Variants in TAS2R60 observed in about 807,000 individuals in gnomAD.
TAS2R60 encodes the protein taste receptor type 2 member 60.
In TAS2R60, 16 loss-of-function variants were observed where a neutral mutation model predicts 19.5. The ratio of observed to expected loss-of-function variants is 0.82; its 90% CI spans 0.55 to 1.24. The LOEUF is 1.24. Among genes scored for constraint, TAS2R60 ranks in the 50% most tolerant of loss-of-function variants. TAS2R60 has a pLI of 0.00. For synonymous variants in TAS2R60, 141 were observed against 143.3 expected, an observed-to-expected ratio of 0.98 and a Z score of 0.11; for missense variants, 362 against 382.7, an observed-to-expected ratio of 0.95 and a Z score of 0.45.
In TAS2R60 at chr7:143,443,755, C is replaced by G; in HGVS notation, c.303C>G (p.Asp101Glu). 1 of 1,614,010 alleles carries G rather than the reference C, an allele frequency of 6.2e-7. No individual in the cohort carries two copies. Among genetic ancestry groups the G allele is most frequent in the African/African-American group, 1.3e-5 (1 of 75,018 alleles). ...PVLQFLAFQWDFLNAATLWSS... is the reference protein window; with the variant it reads ...PVLQFLAFQWEFLNAATLWSS... ...TGCAGTTTCTAGCTTTCCAGTGGGA[C>G]TTCCTGAATGCTGCCACCTTATGGT... is the stretch of plus-strand genomic sequence containing the variant. The change falls in exon 1 of 1, where the codon GAC (aspartate) becomes GAG (glutamate). Residue 101 changes from aspartate to glutamate, a missense_variant. By Grantham distance (45) the Asp-to-Glu change is conservative (BLOSUM62 2). Transcript: ENST00000332690.
rs749371826 is a variant in TAS2R60 at position 143,443,553 on chromosome 7, G to C, written c.101G>C (p.Gly34Ala). ...CTTTTACGCCTGGTAGCAATAGCAG[G>C]CAATGGCTTCATCACTGCTGCTCTG... Reference protein sequence around the residue: ...LLLLRLVAIAGNGFITAALGV... With the variant: ...LLLLRLVAIAANGFITAALGV... The change falls in exon 1 of 1, where the codon GGC (glycine) becomes GCC (alanine). Residue 34 changes from glycine (G) to alanine (A), a missense_variant. Gly to Ala is a moderately conservative substitution (Grantham distance 60, BLOSUM62 0). Transcript: ENST00000332690. The C allele has an allele frequency of 7.4e-6, 12 of 1,614,174 alleles. No homozygotes were observed. The South Asian group carries it at 1.2e-4, about 16-fold the overall frequency.
Position 143,443,802 on chromosome 7 carries a change from T to C in TAS2R60, c.350T>C (p.Phe117Ser). ...TLWSSTWLSV[F>S]YCVKIATFTH... Reference sequence around the variant, plus strand: ...TGGTCCTCTACCTGGCTCAGTGTCTTCTATTGTGTGAAAATTGCTACCTTC... The same window carrying C: ...TGGTCCTCTACCTGGCTCAGTGTCTCCTATTGTGTGAAAATTGCTACCTTC... The change falls in exon 1 of 1, where the codon TTC (phenylalanine) becomes TCC (serine). Residue 117 changes from phenylalanine to serine, a missense_variant. Coordinates refer to ENST00000332690, the MANE Select transcript of TAS2R60 (RefSeq NM_177437.1). 1 of 1,613,494 alleles carries C rather than the reference T, an allele frequency of 6.2e-7. No individual in the cohort carries two copies. The highest frequency in any genetic ancestry group is 8.5e-7 in the Non-Finnish European group (1 of 1,180,008).
In TAS2R60 at chr7:143,444,055, T is replaced by G. The variant is rs1340580218; in HGVS notation, c.603T>G (p.Thr201=). 6.2e-7 allele frequency: 1 copy of G among 1,614,116 alleles called. No homozygotes were observed. The highest frequency in any genetic ancestry group is 8.5e-7 in the Non-Finnish European group (1 of 1,180,050). ...ATCTCTTCCCTCTAAAAATGATTAC[T>G]TGGACAATGCCCACTGCTGTCTTTT... The part of the protein sequence containing the change: ...KFYLFPLKMI[T]WTMPTAVFFI... Residue 201 remains threonine, a synonymous_variant, in exon 1 of 1, where the codon ACT becomes ACG. Transcript: ENST00000332690.
At chr7:143,444,147 C>G in the TAS2R60 span, 1 of 1,614,242 alleles carries the variant, frequency 6.2e-7, no homozygotes, top group Non-Finnish European at 8.5e-7. Context: ...CTTACAACCT[C>G]AGGATTCCGA....
chr7:143,443,737 T>C lies in TAS2R60; in HGVS notation c.285T>C (p.Phe95=). ...MAFPYNPVLQ[F]LAFQWDFLNA... ...TCCCATACAACCCTGTACTGCAGTT[T>C]CTAGCTTTCCAGTGGGACTTCCTGA... The change falls in exon 1 of 1, where the codon TTT becomes TTC. Residue 95 remains phenylalanine, a synonymous_variant. Coordinates refer to ENST00000332690, the MANE Select transcript of TAS2R60 (RefSeq NM_177437.1). 6.2e-7 allele frequency: 1 copy of C among 1,614,142 alleles called. No individual in the cohort carries two copies. The highest frequency in any genetic ancestry group is 8.5e-7 in the Non-Finnish European group (1 of 1,180,026).
chr7:143,444,019 T>C lies in TAS2R60; in HGVS notation c.567T>C (p.Cys189=). ...CTGGCGATAGCATACGGAGCTACTGTGAGAAATTCTATCTCTTCCCTCTAA... is the reference window on the plus strand; with the variant it reads ...CTGGCGATAGCATACGGAGCTACTGCGAGAAATTCTATCTCTTCCCTCTAA... ...NVTGDSIRSY[C]EKFYLFPLKM... Residue 189 remains cysteine, a synonymous_variant, in exon 1 of 1, where the codon TGT becomes TGC. Coordinates refer to ENST00000332690, the MANE Select transcript of TAS2R60 (RefSeq NM_177437.1). 1 of 1,614,046 alleles carries C rather than the reference T, an allele frequency of 6.2e-7. No individual in the cohort carries two copies. The highest frequency in any genetic ancestry group is 8.5e-7 in the Non-Finnish European group (1 of 1,179,844).
rs140806474 is a variant in TAS2R60, at chr7:143,443,581, C to T, written c.129C>T (p.Gly43=). 1.5e-5 allele frequency: 25 copies of T among 1,614,038 alleles called. No individual in the cohort carries two copies. Among genetic ancestry groups the T allele is most frequent in the Middle Eastern group, 1.6e-4 (1 of 6,082 alleles). ...ATGGCTTCATCACTGCTGCTCTGGG[C>T]GTGGAGTGGGTGCTACGGAGAATGT... ...AGNGFITAAL[G]VEWVLRRMLL... Residue 43 remains glycine, a synonymous_variant, in exon 1 of 1, where the codon GGC becomes GGT. Coordinates refer to ENST00000332690, the MANE Select transcript of TAS2R60 (RefSeq NM_177437.1).
Position 143,443,926 on chromosome 7 carries a change from A to G in TAS2R60, c.474A>G (p.Leu158=), listed in dbSNP as rs780562531. The change falls in exon 1 of 1, where the codon CTA becomes CTG. Residue 158 remains leucine, a synonymous_variant. Coordinates refer to ENST00000332690, the MANE Select transcript of TAS2R60 (RefSeq NM_177437.1). The stretch of plus-strand genomic sequence containing the variant: ...GGCTCTCCAGCTTCACCACCATTCT[A>G]TTTTTCATAGGCAACCACAGAATGT... ...SVGLSSFTTI[L]FFIGNHRMYQ... is the part of the protein sequence containing the mutation. 9.9e-6 allele frequency: 16 copies of G among 1,613,838 alleles called. No homozygotes were observed. Among genetic ancestry groups the G allele is most frequent in the African/African-American group, 2.7e-5 (2 of 74,944 alleles).
At position 143,443,956 on chromosome 7, in the gene TAS2R60, G is replaced by T. The variant is rs1036406988; in HGVS notation, c.504G>T (p.Gln168His). The change falls in exon 1 of 1, where the codon CAG (glutamine) becomes CAT (histidine). Residue 168 changes from glutamine to histidine, a missense_variant. Gln to His is a conservative substitution (Grantham distance 24). Coordinates refer to ENST00000332690, the MANE Select transcript of TAS2R60 (RefSeq NM_177437.1). ...TCATAGGCAACCACAGAATGTATCA[G>T]AACTATTTAAGGAACCATCTACAAC... is the stretch of plus-strand genomic sequence containing the variant. Reference protein sequence around the residue: ...LFFIGNHRMYQNYLRNHLQPW... With the variant: ...LFFIGNHRMYHNYLRNHLQPW... The T allele has an allele frequency of 1.2e-6, 2 of 1,614,100 alleles. No individual in the cohort carries two copies. Among genetic ancestry groups the T allele is most frequent in the Non-Finnish European group, 1.7e-6 (2 of 1,180,040 alleles).
chr7:143,443,486 G>C lies in TAS2R60; in HGVS notation c.34G>C (p.Val12Leu). The C allele has an allele frequency of 6.2e-7, 1 of 1,613,192 alleles. No individual in the cohort carries two copies. Among genetic ancestry groups the C allele is most frequent in the Non-Finnish European group, 8.5e-7 (1 of 1,179,534 alleles). Residue 12 changes from valine to leucine, a missense_variant, in exon 1 of 1, where the codon GTG (valine) becomes CTG (leucine). By Grantham distance (32) the Val-to-Leu change is conservative. Coordinates refer to ENST00000332690, the MANE Select transcript of TAS2R60 (RefSeq NM_177437.1). ...AGACCACATGGTTCTAGGATCTTCG[G>C]TGACTGACAAGAAGGCCATCATCTT... ...NGDHMVLGSS[V>L]TDKKAIILVT... is the part of the protein sequence containing the mutation.
At position 143,443,908 on chromosome 7, in the gene TAS2R60, C is replaced by T. The variant is rs751825125; in HGVS notation, c.456C>T (p.Ser152=). 24 of 1,614,022 alleles carry T rather than the reference C, an allele frequency of 1.5e-5. No homozygotes were observed. The highest frequency in any genetic ancestry group is 2.0e-5 in the Non-Finnish European group (24 of 1,180,024). The change falls in exon 1 of 1, where the codon TCC becomes TCT. Residue 152 remains serine (S), a synonymous_variant. Coordinates refer to ENST00000332690, the MANE Select transcript of TAS2R60 (RefSeq NM_177437.1). ...PWMLFSSVGL[S]SFTTILFFIG... ...TGCTCTTCAGCTCTGTAGGGCTCTCCAGCTTCACCACCATTCTATTTTTCA... is the reference window on the plus strand; with the variant it reads ...TGCTCTTCAGCTCTGTAGGGCTCTCTAGCTTCACCACCATTCTATTTTTCA...
At position 143,443,981 on chromosome 7, in the gene TAS2R60, C is replaced by T; in HGVS notation, c.529C>T (p.Pro177Ser). 1.9e-6 allele frequency: 3 copies of T among 1,614,188 alleles called. No individual in the cohort carries two copies. The highest frequency in any genetic ancestry group is 2.5e-6 in the Non-Finnish European group (3 of 1,180,032). ...YQNYLRNHLQ[P>S]WNVTGDSIRS... ...GAACTATTTAAGGAACCATCTACAA[C>T]CTTGGAATGTCACTGGCGATAGCAT... is the stretch of plus-strand genomic sequence containing the variant. Residue 177 changes from proline (P) to serine (S), a missense_variant, in exon 1 of 1, where the codon CCT becomes TCT. Pro to Ser is a moderately conservative substitution (Grantham distance 74). Coordinates refer to ENST00000332690, the MANE Select transcript of TAS2R60 (RefSeq NM_177437.1).
chr7:143,444,259 T>C lies in TAS2R60; in HGVS notation c.807T>C (p.Gly269=). ...TGTCACTGGTGTTCAGTGCTGCAGG[T>C]ATTTTTCCACCTCTGGACTTTAAAT... ...YFLSLVFSAA[G]IFPPLDFKFW... Residue 269 remains glycine (G), a synonymous_variant, in exon 1 of 1, where the codon GGT becomes GGC. Transcript: ENST00000332690. The C allele has an allele frequency of 6.2e-7, 1 of 1,614,184 alleles. No individual in the cohort carries two copies. Among genetic ancestry groups the C allele is most frequent in the Non-Finnish European group, 8.5e-7 (1 of 1,180,036 alleles).
In TAS2R60 at chr7:143,444,292, G is replaced by A; in HGVS notation, c.840G>A (p.Val280=). The change falls in exon 1 of 1, where the codon GTG becomes GTA. Residue 280 remains valine (V), a synonymous_variant. Coordinates refer to ENST00000332690, the MANE Select transcript of TAS2R60 (RefSeq NM_177437.1). Reference sequence around the variant, plus strand: ...CACCTCTGGACTTTAAATTCTGGGTGTGGGAGTCAGTGATTTATCTGTGTG... The same window carrying A: ...CACCTCTGGACTTTAAATTCTGGGTATGGGAGTCAGTGATTTATCTGTGTG... The part of the protein sequence containing the change: ...IFPPLDFKFW[V]WESVIYLCAA... The A allele has an allele frequency of 6.2e-7, 1 of 1,614,066 alleles. No homozygotes were observed. Among genetic ancestry groups the A allele is most frequent in the Non-Finnish European group, 8.5e-7 (1 of 1,180,032 alleles).
rs547166075 is a variant in TAS2R60, at chr7:143,443,855, C to T, written c.403C>T (p.His135Tyr). Reference protein sequence around the residue: ...FTHPVFFWLKHKLSGWLPWML... With the variant: ...FTHPVFFWLKYKLSGWLPWML... The stretch of plus-strand genomic sequence containing the variant: ...CCACCCTGTCTTCTTCTGGCTAAAG[C>T]ACAAGTTGTCTGGGTGGCTACCATG... Residue 135 changes from histidine to tyrosine, a missense_variant, in exon 1 of 1, where the codon CAC (histidine) becomes TAC (tyrosine). Transcript: ENST00000332690. 8.6e-5 allele frequency: 138 copies of T among 1,613,726 alleles called. 2 individuals carry two copies. The East Asian group carries it at 3.0e-3, about 35-fold the overall frequency.
chr7:143,443,669 GTAATGGGT>G, the TAS2R60 span: 1 of 1,614,138 alleles, frequency 6.2e-7, no homozygotes, highest in Non-Finnish European at 8.5e-7. Flanking sequence ...GCAGTCAGTG[GTAATGGGT>G]AAGACCATTT....
In TAS2R60 at chr7:143,443,618, G is replaced by T; in HGVS notation, c.166G>T (p.Asp56Tyr). 6.2e-7 allele frequency: 1 copy of T among 1,614,206 alleles called. No homozygotes were observed. Residue 56 changes from aspartate (D) to tyrosine (Y), a missense_variant, in exon 1 of 1, where the codon GAT becomes TAT. Asp to Tyr is a radical substitution (Grantham distance 160). Transcript: ENST00000332690. Reference sequence around the variant, plus strand: ...GCTACGGAGAATGTTGTTGCCTTGTGATAAGTTATTGGTTAGCCTAGGGGC... The same window carrying T: ...GCTACGGAGAATGTTGTTGCCTTGTTATAAGTTATTGGTTAGCCTAGGGGC... The part of the protein sequence containing the change: ...WVLRRMLLPC[D>Y]KLLVSLGASR...
rs755893493 is a variant in TAS2R60 at position 143,444,403 on chromosome 7, A to G, written c.951A>G (p.Thr317=). 1 of 1,596,992 alleles carries G rather than the reference A, an allele frequency of 6.3e-7. No individual in the cohort carries two copies. Among genetic ancestry groups the G allele is most frequent in the Non-Finnish European group, 8.5e-7 (1 of 1,176,022 alleles). ...LKSRRSSRCG[T]P The stretch of plus-strand genomic sequence containing the variant: ...GTCGTCGTTCCTCAAGGTGTGGGAC[A>G]CCTTGAGCCACAGCTGATGAAAAAC... Residue 317 remains threonine, a synonymous_variant, in exon 1 of 1, where the codon ACA becomes ACG. Coordinates refer to ENST00000332690, the MANE Select transcript of TAS2R60 (RefSeq NM_177437.1).
chr7:143,443,876 C>A lies in TAS2R60; in HGVS notation c.424C>A (p.Pro142Thr), dbSNP rs189427885. 3.7e-5 allele frequency: 59 copies of A among 1,613,904 alleles called. 1 individual carries two copies. The South Asian group carries it at 5.9e-4, about 16-fold the overall frequency. ...AAAGCACAAGTTGTCTGGGTGGCTA[C>A]CATGGATGCTCTTCAGCTCTGTAGG... Reference protein sequence around the residue: ...WLKHKLSGWLPWMLFSSVGLS... With the variant: ...WLKHKLSGWLTWMLFSSVGLS... The change falls in exon 1 of 1, where the codon CCA becomes ACA. Residue 142 changes from proline to threonine, a missense_variant. Physicochemically the swap from Pro to Thr is conservative, Grantham distance 38. Coordinates refer to ENST00000332690, the MANE Select transcript of TAS2R60 (RefSeq NM_177437.1).
Sources: allele counts gnomAD v4.1 joint callset, GRCh38; gene constraint gnomAD v4.1.1; transcripts MANE v1.5; gene names NCBI Gene and HGNC (gene_info 2026-07-23, HGNC 2026-07-21).